The following ACBD6 variants were observed in gnomAD, a reference collection of about 807,000 sequenced individuals.
ACBD6 encodes the protein acyl-CoA binding domain containing 6.
A neutral mutation model predicts 37.2 loss-of-function variants in ACBD6; 28 were observed. The observed-to-expected ratio is 0.75, with a 90% CI of 0.56 to 1.03. The LOEUF (loss-of-function observed/expected upper bound fraction) is 1.03. Among genes scored for constraint, ACBD6 ranks in the 50% least tolerant of loss-of-function variants. The pLI, the probability that ACBD6 is intolerant of heterozygous loss-of-function variation, is 0.00. For synonymous variants in ACBD6, 113 were observed against 126.8 expected (o/e 0.89, Z 0.73); for missense variants, 340 against 337.4 (o/e 1.01, Z -0.06).
At chr1:180,304,674 T>A (rs1352851565) in intron 7 of ACBD6, among the ~76,000 whole-genome samples, 3 of 150,846 alleles carry the variant, frequency 2.0e-5, no homozygotes, top group Non-Finnish European at 4.4e-5. Flanking sequence ...ATGGCCATAC[T>A]GCCCAAGGTA....
intron 6 of ACBD6, among the ~76,000 whole-genome samples, chr1:180,393,392 T>C (rs10494527): frequency 0.49 from 73,885 of 152,064 alleles, 20,777 homozygotes; most frequent in South Asian, 0.66. Flanking sequence ...CTCTAATTAC[T>C]GCTTCGTTTC....
chr1:180,454,961 G>T (rs1309546887), intron 3 of ACBD6, among the ~76,000 whole-genome samples: 1 of 152,182 alleles, frequency 6.6e-6, no homozygotes, highest in African/African-American at 2.4e-5. Context: ...AGTCAGTGTG[G>T]CGATTCCTCA....
intron 3 of ACBD6, among the ~76,000 whole-genome samples, chr1:180,485,008 T>A (rs1201166287): frequency 6.6e-6 from 1 of 150,528 alleles, no homozygotes; most frequent in East Asian, 1.9e-4. Context: ...AGGCGGGGGT[T>A]GCAGTGAGCC....
At chr1:180,435,023 C>A in intron 3 of ACBD6, 1 of 969,766 alleles carries the variant, frequency 1.0e-6, no homozygotes, top group Non-Finnish European at 1.7e-6. Context: ...GGAACACCGA[C>A]AATACACTAG....
intron 6 of ACBD6, among the ~76,000 whole-genome samples, chr1:180,366,068 A>C (rs1653044112): frequency 6.6e-6 from 1 of 152,228 alleles, no homozygotes; most frequent in East Asian, 1.9e-4. Flanking sequence ...AACATTTAAA[A>C]TTTAGCAACA....
chr1:180,483,083 G>A (rs550842074), intron 3 of ACBD6, among the ~76,000 whole-genome samples: 1 of 152,198 alleles, frequency 6.6e-6, no homozygotes, highest in African/African-American at 2.4e-5. Flanking sequence ...ATTACCATGT[G>A]CCCAACTCTG....
intron 7 of ACBD6, among the ~76,000 whole-genome samples, chr1:180,305,159 T>C (rs2149286058): frequency 6.6e-6 from 1 of 152,296 alleles, no homozygotes; most frequent in East Asian, 1.9e-4. Flanking sequence ...GATTAAAACC[T>C]AGGCAATACC....
chr1:180,454,456 T>A (rs910322780), intron 3 of ACBD6, among the ~76,000 whole-genome samples: 1 of 152,126 alleles, frequency 6.6e-6, no homozygotes, highest in Non-Finnish European at 1.5e-5. Context: ...ATTCAGGACA[T>A]AGGCATGGGC....
At chr1:180,333,006 T>A (rs547550612) in intron 6 of ACBD6, among the ~76,000 whole-genome samples, 5 of 152,230 alleles carry the variant, frequency 3.3e-5, no homozygotes, top group Non-Finnish European at 7.3e-5. Context: ...GATCCCTTTA[T>A]AGTAACTCTT....
chr1:180,425,698 T>C lies in ACBD6; in HGVS notation c.467+4482A>G, dbSNP rs74132841. Among the ~76,000 whole-genome samples, 1,014 of 152,332 alleles carry C rather than the reference T, an allele frequency of 6.7e-3. 17 individuals carry two copies. Among genetic ancestry groups the C allele is most frequent in the African/African-American group, 0.023 (969 of 41,578 alleles). ...CAATGTGAAGCTTTGAATGAATAAATAGAATTTTATAACATCTGATTTTAG... is the reference window on the plus strand; with the variant it reads ...CAATGTGAAGCTTTGAATGAATAAACAGAATTTTATAACATCTGATTTTAG... On this transcript the variant is annotated intron_variant, in intron 4 of 7. Coordinates refer to ENST00000367595, the MANE Select transcript of ACBD6 (RefSeq NM_032360.4).
At chr1:180,309,771 T>C (rs1456182890) in intron 7 of ACBD6, among the ~76,000 whole-genome samples, 1 of 152,190 alleles carries the variant, frequency 6.6e-6, no homozygotes, top group East Asian at 1.9e-4. Flanking sequence ...AGTTTATTTT[T>C]CCTCTTTTTT....
chr1:180,413,383 TCACATC>T lies in ACBD6; in HGVS notation c.550_555del (p.Asp184_Val185del), dbSNP rs745883389. Reference sequence around the variant, plus strand: ...TTTCATACCTCTTCATCTTTCACATTCACATCCACATTTTTCGATTTGATGGCTTTG... The same window carrying T: ...TTTCATACCTCTTCATCTTTCACATTCACATTTTTCGATTTGATGGCTTTG... On this transcript the variant is annotated inframe_deletion, in exon 5 of 8. Transcript: ENST00000367595. The T allele has an allele frequency of 2.5e-6, 4 of 1,612,874 alleles. No individual in the cohort carries two copies. Among genetic ancestry groups the T allele is most frequent in the African/African-American group, 2.7e-5 (2 of 74,918 alleles).
intron 6 of ACBD6, among the ~76,000 whole-genome samples, chr1:180,328,902 C>T (rs951278414): frequency 2.6e-4 from 39 of 151,900 alleles, no homozygotes; most frequent in Non-Finnish European, 2.1e-4. Flanking sequence ...TCCTTTCTTT[C>T]TAGGAAACAA....
chr1:180,346,464 C>T (rs1175027142), intron 6 of ACBD6, among the ~76,000 whole-genome samples: 1 of 152,070 alleles, frequency 6.6e-6, no homozygotes, highest in Non-Finnish European at 1.5e-5. Flanking sequence ...AAACCACTTT[C>T]ATGATGGAGG....
intron 6 of ACBD6, among the ~76,000 whole-genome samples, chr1:180,320,217 C>G (rs915356781): frequency 6.6e-5 from 10 of 152,140 alleles, no homozygotes; most frequent in African/African-American, 2.4e-4. Flanking sequence ...TAAGATGATA[C>G]GTCATTGTAT....
chr1:180,375,544 T>G (rs941635345), intron 6 of ACBD6, among the ~76,000 whole-genome samples: 3 of 152,194 alleles, frequency 2.0e-5, no homozygotes, highest in African/African-American at 7.2e-5. Context: ...CAGGCTGTTC[T>G]TGAGCTCCTA....
chr1:180,403,165 C>T lies in ACBD6; in HGVS notation c.574-5560G>A, dbSNP rs544619794. Among the ~76,000 whole-genome samples, 18 of 152,130 alleles carry T rather than the reference C, an allele frequency of 1.2e-4. No individual in the cohort carries two copies. In the South Asian group the frequency reaches 2.7e-3, roughly 23 times the overall value. ...TATCTATGGTAGAATAATATCAAAACGGTGGTTACCTTTTTGGGATTAAAA... is the reference window on the plus strand; with the variant it reads ...TATCTATGGTAGAATAATATCAAAATGGTGGTTACCTTTTTGGGATTAAAA... On this transcript the variant is annotated intron_variant, in intron 5 of 7. Coordinates refer to ENST00000367595, the MANE Select transcript of ACBD6 (RefSeq NM_032360.4).
At chr1:180,420,416 T>C (rs1648307647) in intron 4 of ACBD6, among the ~76,000 whole-genome samples, 2 of 152,036 alleles carry the variant, frequency 1.3e-5, no homozygotes, top group Non-Finnish European at 2.9e-5. Flanking sequence ...CAATGGATCC[T>C]TCCCGACCTT....
chr1:180,427,863 T>C (rs1364407162), intron 4 of ACBD6, among the ~76,000 whole-genome samples: 1 of 147,812 alleles, frequency 6.8e-6, no homozygotes, highest in East Asian at 2.0e-4. Context: ...GATGTTGCAG[T>C]GAGCTGAGAT....
Sources: gnomAD v4.1 joint callset for allele counts (sites outside exome capture counted in the v4.1 genomes callset) on GRCh38, gnomAD v4.1.1 for gene constraint, MANE v1.5 for transcripts, NCBI Gene and HGNC (gene_info 2026-07-23, HGNC 2026-07-21) for gene names.